MEF2A: variants seen among roughly 807,000 people sequenced by gnomAD.
The protein encoded by MEF2A is myocyte-specific enhancer factor 2A.
MEF2A carries 28 observed loss-of-function variants against 55.8 expected under a neutral mutation model. The ratio of observed to expected loss-of-function variants is 0.50; its 90% CI spans 0.37 to 0.69. The LOEUF (loss-of-function observed/expected upper bound fraction) is 0.69, where lower values mean the gene tolerates loss of function less well. Among genes scored for constraint, MEF2A ranks in the 30% least tolerant of loss-of-function variants. The probability of loss-of-function intolerance (pLI) is 0.00; values close to 1 mark genes in which losing one functional copy is unlikely to be tolerated. For missense variants in MEF2A, 528 were observed against 626.2 expected (o/e 0.84, Z 1.67); for synonymous variants, 239 against 227.1 (o/e 1.05, Z -0.47).
At chr15:99,575,554 C>T (rs983573022) in intron 1 of MEF2A, among the ~76,000 whole-genome samples, 4 of 152,112 alleles carry the variant, frequency 2.6e-5, no homozygotes, top group Non-Finnish European at 4.4e-5. Flanking sequence ...TTATTTGGAC[C>T]ACTTAGTTAA....
chr15:99,638,449 A>G (rs1213294407), intron 3 of MEF2A, among the ~76,000 whole-genome samples: 1 of 151,682 alleles, frequency 6.6e-6, no homozygotes, highest in Non-Finnish European at 1.5e-5. Flanking sequence ...TATCCCATAC[A>G]TTTCTTATGT....
rs149803086 is a variant in MEF2A, at chr15:99,580,638, G to A, written c.-225+14534G>A. Reference sequence around the variant, plus strand: ...TTTTTCTGAAAAGCAAGGTTATTCAGAGGTTTGTGTCTATAATATAAATAG... The same window carrying A: ...TTTTTCTGAAAAGCAAGGTTATTCAAAGGTTTGTGTCTATAATATAAATAG... On this transcript the variant is annotated intron_variant, in intron 1 of 11. Transcript: ENST00000557942. Among the ~76,000 whole-genome samples the A allele has an allele frequency of 3.1e-3, 467 of 152,280 alleles. 4 individuals are homozygous for A. Among genetic ancestry groups the A allele is most frequent in the African/African-American group, 0.01 (431 of 41,554 alleles).
intron 2 of MEF2A, among the ~76,000 whole-genome samples, chr15:99,624,155 A>AC (rs1289687679): frequency 6.6e-6 from 1 of 152,178 alleles, no homozygotes; most frequent in African/African-American, 2.4e-5. Flanking sequence ...TACTCTGTTG[A>AC]TAGTGCCGTT....
At chr15:99,701,939 C>T (rs2057434067) in intron 8 of MEF2A, among the ~76,000 whole-genome samples, 1 of 152,146 alleles carries the variant, frequency 6.6e-6, no homozygotes, top group Non-Finnish European at 1.5e-5. Flanking sequence ...AGCATTTTAG[C>T]AATTGCTTAA....
chr15:99,585,488 A>C (rs938890329), intron 1 of MEF2A, among the ~76,000 whole-genome samples: 2 of 152,192 alleles, frequency 1.3e-5, no homozygotes, highest in African/African-American at 2.4e-5. Flanking sequence ...TTTTTAAAAA[A>C]TTATAGTATT....
At chr15:99,669,681 A>T (rs988399950) in intron 4 of MEF2A, among the ~76,000 whole-genome samples, 3 of 152,344 alleles carry the variant, frequency 2.0e-5, no homozygotes, top group African/African-American at 7.2e-5. Context: ...TTCATGAAAA[A>T]TTTTTAAAAA....
At chr15:99,697,184 TA>T (rs1240792179) in intron 8 of MEF2A, among the ~76,000 whole-genome samples, 6 of 152,268 alleles carry the variant, frequency 3.9e-5, no homozygotes, top group East Asian at 1.9e-4. Context: ...TAGGTAATGA[TA>T]TTTTTTTTTC....
chr15:99,661,081 A>G (rs1402201421), intron 4 of MEF2A, among the ~76,000 whole-genome samples: 1 of 152,196 alleles, frequency 6.6e-6, no homozygotes, highest in East Asian at 1.9e-4. Flanking sequence ...GCTCAGAAAC[A>G]GGACCATGCA....
intron 1 of MEF2A, among the ~76,000 whole-genome samples, chr15:99,597,183 T>C (rs1362428463): frequency 6.6e-6 from 1 of 152,188 alleles, no homozygotes; most frequent in East Asian, 1.9e-4. Context: ...GAGCCATATT[T>C]CTCTTCTTTC....
chr15:99,626,052 T>C (rs2041995479), intron 2 of MEF2A, among the ~76,000 whole-genome samples: 1 of 152,172 alleles, frequency 6.6e-6, no homozygotes, highest in Non-Finnish European at 1.5e-5. Flanking sequence ...AATTGTTTGG[T>C]AGAATTCATC....
At chr15:99,634,649 T>C (rs186382038) in intron 3 of MEF2A, among the ~76,000 whole-genome samples, 3 of 152,282 alleles carry the variant, frequency 2.0e-5, no homozygotes, top group African/African-American at 7.2e-5. Context: ...GGGATTCACA[T>C]TTGTAGAGAG....
rs2058863297 is a variant in MEF2A, at chr15:99,713,458, C to G, written c.*687C>G. The G allele has an allele frequency of 6.5e-6, 1 of 154,516 alleles. No homozygotes were observed. The highest frequency in any genetic ancestry group is 6.5e-5 in the Admixed American group (1 of 15,346). The allele number at this position is 154,516 out of a possible 1,614,324, so 9.6% of individuals were successfully genotyped here. ...GCATGAGATATTCAGAAAATACTAG[C>G]CTAGAAATATAGAGCATTAACAAAG... On this transcript the variant is annotated 3_prime_UTR_variant, in exon 12 of 12. Transcript: ENST00000557942.
chr15:99,698,154 A>C (rs1567477234), intron 8 of MEF2A, among the ~76,000 whole-genome samples: 1 of 152,224 alleles, frequency 6.6e-6, no homozygotes, highest in Non-Finnish European at 1.5e-5. Context: ...CACAAAAAGC[A>C]GGATCCATAA....
chr15:99,643,209 T>A (rs936474763), intron 3 of MEF2A, among the ~76,000 whole-genome samples: 1 of 152,226 alleles, frequency 6.6e-6, no homozygotes, highest in African/African-American at 2.4e-5. Context: ...CGTGGCTGTA[T>A]TGTAAAATAC....
At chr15:99,656,978 C>T (rs1455772186) in intron 4 of MEF2A, among the ~76,000 whole-genome samples, 1 of 152,072 alleles carries the variant, frequency 6.6e-6, no homozygotes, top group Non-Finnish European at 1.5e-5. Context: ...CCTTCCCCTA[C>T]ATCCTGGCAA....
chr15:99,677,147 TA>T (rs1269616961), intron 7 of MEF2A, among the ~76,000 whole-genome samples: 2 of 149,030 alleles, frequency 1.3e-5, no homozygotes, highest in African/African-American at 4.9e-5. Flanking sequence ...AATAAATAAA[TA>T]AAATAAAACA....
At chr15:99,657,518 C>T (rs2047940151) in intron 4 of MEF2A, 2 of 151,840 alleles carry the variant, frequency 1.3e-5, no homozygotes, top group African/African-American at 4.8e-5. Flanking sequence ...AGGAATATGC[C>T]AGGCCAAAAT....
chr15:99,575,516 G>A (rs1963992625), intron 1 of MEF2A, among the ~76,000 whole-genome samples: 1 of 152,066 alleles, frequency 6.6e-6, no homozygotes, highest in Non-Finnish European at 1.5e-5. Flanking sequence ...GAGGCAGTAC[G>A]GTGTCATTTT....
intron 3 of MEF2A, among the ~76,000 whole-genome samples, 200 bp downstream of exon 3, chr15:99,633,373 T>G (rs2043234760): frequency 6.6e-6 from 1 of 152,070 alleles, no homozygotes; most frequent in South Asian, 2.1e-4. Flanking sequence ...TATAGATATA[T>G]GTCACCAAAA....
Sources: gnomAD v4.1 joint callset for allele counts (sites outside exome capture counted in the v4.1 genomes callset) on GRCh38, gnomAD v4.1.1 for gene constraint, MANE v1.5 for transcripts, NCBI Gene and HGNC (gene_info 2026-07-23, HGNC 2026-07-21) for gene names.